The following SKIC3 variants were observed in gnomAD, a reference collection of about 807,000 sequenced individuals.
SKIC3 encodes the protein SKI3 subunit of superkiller complex.
the SKIC3 span, chr5:95,516,892 A>G: frequency 1.3e-6 from 2 of 1,563,850 alleles, no homozygotes; most frequent in Non-Finnish European, 1.7e-6. Flanking sequence ...GAAAAGGTTT[A>G]TAAAAAATTT....
At chr5:95,474,290 C>A in the SKIC3 span, among the ~76,000 whole-genome samples, 6 of 152,070 alleles carry the variant, frequency 3.9e-5, no homozygotes, top group African/African-American at 1.4e-4. Context: ...GTAGTAGTAC[C>A]AATGAATTCC....
At chr5:95,487,999 T>C in the SKIC3 span, among the ~76,000 whole-genome samples, 1 of 151,664 alleles carries the variant, frequency 6.6e-6, no homozygotes, top group Non-Finnish European at 1.5e-5. Flanking sequence ...TCATAAGAAA[T>C]AACCAAACAA....
chr5:95,514,868 C>T, the SKIC3 span: 2 of 1,611,970 alleles, frequency 1.2e-6, no homozygotes, highest in African/African-American at 1.3e-5. Context: ...TCCAATCCAG[C>T]ACATTAAATA....
chr5:95,528,260 T>C, the SKIC3 span: 17 of 1,340,772 alleles, frequency 1.3e-5, no homozygotes, highest in Non-Finnish European at 1.7e-5. Flanking sequence ...AGCATAAATT[T>C]CCAAAACAAT....
At chr5:95,498,679 G>A in the SKIC3 span, 1 of 1,233,864 alleles carries the variant, frequency 8.1e-7, no homozygotes. Flanking sequence ...AGGCTGGAGT[G>A]CAGTGGCACC....
At chr5:95,539,253 A>C in the SKIC3 span, among the ~76,000 whole-genome samples, 1 of 149,332 alleles carries the variant, frequency 6.7e-6, no homozygotes, top group South Asian at 2.1e-4. Context: ...AATTAGCAAG[A>C]AAAAAAAACA....
At chr5:95,527,889 T>C in the SKIC3 span, 1 of 992,788 alleles carries the variant, frequency 1.0e-6, no homozygotes. Context: ...AAAGTGCAGA[T>C]GTGGTGAATT....
chr5:95,503,090 A>T, the SKIC3 span: 1 of 1,472,846 alleles, frequency 6.8e-7, no homozygotes, highest in African/African-American at 1.4e-5. Flanking sequence ...CAAATTTTTT[A>T]GAAAGGTCTA....
the SKIC3 span, among the ~76,000 whole-genome samples, chr5:95,464,877 A>G: frequency 6.7e-6 from 1 of 150,330 alleles, no homozygotes; most frequent in Non-Finnish European, 1.5e-5. Context: ...AACATCAGAG[A>G]GATGCACAAT....
the SKIC3 span, chr5:95,478,523 T>C: frequency 1.3e-6 from 2 of 1,577,744 alleles, no homozygotes; most frequent in Admixed American, 3.4e-5. Context: ...ACAAATTCAA[T>C]AAACTTTGTC....
chr5:95,536,831 T>C, the SKIC3 span: 3 of 1,613,034 alleles, frequency 1.9e-6, no homozygotes, highest in South Asian at 1.1e-5. Flanking sequence ...TTCAATTAAA[T>C]GCAAACAAAG....
At chr5:95,492,673 AAAAAAAAAAAAAAAAAC>A in the SKIC3 span, among the ~76,000 whole-genome samples, 1 of 139,838 alleles carries the variant, frequency 7.2e-6, no homozygotes, top group African/African-American at 2.7e-5. Flanking sequence ...AAAAAAAAAA[AAAAAAAAAAAAAAAAAC>A]AAGACAACTA....
chr5:95,498,255 GT>G, the SKIC3 span: 1 of 1,052,210 alleles, frequency 9.5e-7, no homozygotes, highest in Non-Finnish European at 1.4e-6. Flanking sequence ...TAAAACCAGG[GT>G]TTGGTTTTCA....
the SKIC3 span, chr5:95,515,096 G>T: frequency 1.8e-5 from 11 of 598,558 alleles, no homozygotes; most frequent in East Asian, 3.4e-4. Context: ...TAACTACACA[G>T]TTCTGGAACA....
chr5:95,476,476 C>T, the SKIC3 span, among the ~76,000 whole-genome samples: 1 of 152,112 alleles, frequency 6.6e-6, no homozygotes, highest in Non-Finnish European at 1.5e-5. Flanking sequence ...ATCCATCCTC[C>T]CCATACTGCC....
chr5:95,472,139 G>A, the SKIC3 span, among the ~76,000 whole-genome samples: 2 of 152,176 alleles, frequency 1.3e-5, no homozygotes, highest in East Asian at 3.9e-4. Context: ...CCTCTAGGTG[G>A]CCTTAGTGAA....
the SKIC3 span, among the ~76,000 whole-genome samples, chr5:95,518,410 T>C: frequency 6.6e-6 from 1 of 152,112 alleles, no homozygotes; most frequent in Non-Finnish European, 1.5e-5. Flanking sequence ...TTATTCCTCC[T>C]ATCTAGCGTA....
chr5:95,482,331 C>T, the SKIC3 span: 2 of 907,970 alleles, frequency 2.2e-6, no homozygotes, highest in African/African-American at 3.3e-5. Context: ...CCTCTAACCA[C>T]AATACCTTTT....
At chr5:95,506,999 C>T in the SKIC3 span, 11 of 1,611,024 alleles carry the variant, frequency 6.8e-6, no homozygotes, top group South Asian at 1.1e-5. Context: ...CAGTCTGTAA[C>T]AACAAAATTG....
Sources: allele counts gnomAD v4.1 joint callset (sites outside exome capture counted in the v4.1 genomes callset), GRCh38; gene constraint gnomAD v4.1.1; transcripts MANE v1.5; gene names NCBI Gene and HGNC (gene_info 2026-07-23, HGNC 2026-07-21).